Variants in GRK5 observed in about 807,000 individuals in gnomAD.
GRK5 encodes g protein-coupled receptor kinase GRK5.
A neutral mutation model predicts 78.4 loss-of-function variants in GRK5; 40 were observed. That is an observed-to-expected ratio of 0.51 (90% CI 0.40 to 0.66). The LOEUF is 0.66. Among genes scored for constraint, GRK5 ranks in the 30% least tolerant of loss-of-function variants. GRK5 has a pLI of 0.00. For missense variants in GRK5, 598 were observed against 759.9 expected, an observed-to-expected ratio of 0.79 and a Z score of 2.50; for synonymous variants, 289 against 296.8, an observed-to-expected ratio of 0.97 and a Z score of 0.27.
chr10:119,269,647 A>G (rs979846480), intron 1 of GRK5, among the ~76,000 whole-genome samples: 32 of 151,910 alleles, frequency 2.1e-4, no homozygotes, highest in African/African-American at 7.7e-4. Flanking sequence ...CCTGGCCAAC[A>G]TGGTAAAACC....
chr10:119,248,614 G>C (rs1366581989), intron 1 of GRK5, among the ~76,000 whole-genome samples: 1 of 152,122 alleles, frequency 6.6e-6, no homozygotes, highest in Non-Finnish European at 1.5e-5. Flanking sequence ...CCTAGGGCAG[G>C]GGGTGGCAAG....
chr10:119,436,610 A>G, intron 8 of GRK5, 41 bp from the exon 9 acceptor site: 1 of 1,603,890 alleles, frequency 6.2e-7, no homozygotes, highest in African/African-American at 1.3e-5. Flanking sequence ...GTGAGTGGCC[A>G]TTGTCACAAC....
At chr10:119,384,051 C>A (rs1212627206) in intron 3 of GRK5, among the ~76,000 whole-genome samples, 1 of 152,192 alleles carries the variant, frequency 6.6e-6, no homozygotes, top group Admixed American at 6.5e-5. Flanking sequence ...CCCACCTTTT[C>A]ACCGTTGGCC....
rs1047974892 is a variant in GRK5 at position 119,459,169 on chromosome 10, G to A, written c.*4102G>A. The A allele has an allele frequency of 6.6e-6, 1 of 152,196 alleles. No homozygotes were observed. Among genetic ancestry groups the A allele is most frequent in the African/African-American group, 2.4e-5 (1 of 41,434 alleles). 9.4% of individuals were successfully genotyped at this position (152,196 alleles called of 1,614,324 possible). On this transcript the variant is annotated 3_prime_UTR_variant, in exon 16 of 16. Coordinates refer to ENST00000392870, the MANE Select transcript of GRK5 (RefSeq NM_005308.3). ...TCGCTGTGTGGATTATGAATACAGA[G>A]AGCTGCCATCTTCCTGATCACAATA...
chr10:119,221,298 C>T (rs72834150), intron 1 of GRK5, among the ~76,000 whole-genome samples: 1,873 of 152,322 alleles, frequency 0.012, 17 homozygotes, highest in Non-Finnish European at 0.019. Context: ...TATGCACATA[C>T]GAACATCTAG....
rs115329058 is a variant in GRK5, at chr10:119,371,889, C to T, written c.149-8926C>T. Among the ~76,000 whole-genome samples the T allele has an allele frequency of 3.2e-3, 487 of 152,342 alleles. 2 individuals are homozygous for T. Among genetic ancestry groups the T allele is most frequent in the Middle Eastern group, 0.017 (5 of 294 alleles). ...GCTCACATGCGTTGTTGCCAATCCC[C>T]GGCAGCAACCAGCTAACTCTGATGG... On this transcript the variant is annotated intron_variant, in intron 2 of 15. Transcript: ENST00000392870.
At chr10:119,291,929 T>TTTCCTC (rs1564879446) in intron 1 of GRK5, among the ~76,000 whole-genome samples, 4 of 91,632 alleles carry the variant, frequency 4.4e-5, no homozygotes, top group Non-Finnish European at 1.0e-4. Flanking sequence ...TCTTCCTCCT[T>TTTCCTC]CTTTTCCTCC....
chr10:119,445,743 T>G lies in GRK5; in HGVS notation c.1266+1991T>G, dbSNP rs1054082749. ...TCCAGCTGGTGGCAGCTCAGGACACTGCAGAGCCTGACTTGCCAGGAGACC... is the reference window on the plus strand; with the variant it reads ...TCCAGCTGGTGGCAGCTCAGGACACGGCAGAGCCTGACTTGCCAGGAGACC... On this transcript the variant is annotated intron_variant, in intron 12 of 15. Transcript: ENST00000392870. This position sits in a 1 kb window ranked among gnomAD's most constrained non-coding sequence, Gnocchi z 4.1. Among the ~76,000 whole-genome samples, 2 of 152,122 alleles carry G rather than the reference T, an allele frequency of 1.3e-5. No individual in the cohort carries two copies. The highest frequency in any genetic ancestry group is 2.9e-5 in the Non-Finnish European group (2 of 68,006).
At chr10:119,244,497 C>T (rs1347385752) in intron 1 of GRK5, among the ~76,000 whole-genome samples, 1 of 152,356 alleles carries the variant, frequency 6.6e-6, no homozygotes, top group East Asian at 1.9e-4. Flanking sequence ...CTCAATATCA[C>T]TAGTCATTAG....
chr10:119,331,741 G>A (rs886210219), intron 2 of GRK5, among the ~76,000 whole-genome samples: 59 of 152,350 alleles, frequency 3.9e-4, no homozygotes, highest in African/African-American at 1.3e-3. Flanking sequence ...TCTGCCTTCA[G>A]CCCTGCCCTG....
chr10:119,252,778 G>A (rs1849224828), intron 1 of GRK5, among the ~76,000 whole-genome samples: 1 of 152,136 alleles, frequency 6.6e-6, no homozygotes, highest in Non-Finnish European at 1.5e-5. Flanking sequence ...GTCACTCTGT[G>A]GCTTTTGCCT....
At chr10:119,427,862 A>G (rs1163624099) in intron 6 of GRK5, among the ~76,000 whole-genome samples, 2 of 148,872 alleles carry the variant, frequency 1.3e-5, no homozygotes, top group African/African-American at 5.1e-5. Flanking sequence ...GCTGTTATCA[A>G]TATCCCACTG....
At chr10:119,453,894 C>G (rs2133922453) in intron 15 of GRK5, among the ~76,000 whole-genome samples, 1 of 152,278 alleles carries the variant, frequency 6.6e-6, no homozygotes, top group South Asian at 2.1e-4. Context: ...ACACTTAGAG[C>G]CTGGCCCTGG....
At chr10:119,342,596 C>T (rs1218791209) in intron 2 of GRK5, among the ~76,000 whole-genome samples, 1 of 152,170 alleles carries the variant, frequency 6.6e-6, no homozygotes, top group East Asian at 1.9e-4. Context: ...CATCAACCGT[C>T]CCGTGCGGTG....
intron 13 of GRK5, among the ~76,000 whole-genome samples, chr10:119,451,561 C>A (rs2133919564): frequency 6.6e-6 from 1 of 152,320 alleles, no homozygotes; most frequent in South Asian, 2.1e-4. Context: ...TTGCTTCCAG[C>A]TAAAAGTCCG....
At position 119,290,371 on chromosome 10, in the gene GRK5, C is replaced by CAAAACAAAAAAA. The variant is rs1564878623; in HGVS notation, c.53-36143_53-36142insAACAAAAAAAAA. On this transcript the variant is annotated intron_variant, in intron 1 of 15. Transcript: ENST00000392870. ...CAAAAAAAAAAAAAAAAACAAAAAA[C>CAAAACAAAAAAA]AACTCTGTCCCCTTCTCCCTGTGGC... 3.8e-3 allele frequency among the ~76,000 whole-genome samples: 374 copies of CAAAACAAAAAAA among 98,242 alleles called. 3 individuals carry two copies. The highest frequency in any genetic ancestry group is 0.014 in the African/African-American group (348 of 24,916). The allele number at this position is 98,242 out of a possible 152,430, so 64.5% of individuals were successfully genotyped here. A position where few individuals can be genotyped will look rare whatever the true frequency, so the allele number is the denominator to read the frequency against.
At chr10:119,417,308 C>T (rs925682992) in intron 4 of GRK5, among the ~76,000 whole-genome samples, 2 of 152,198 alleles carry the variant, frequency 1.3e-5, no homozygotes, top group East Asian at 1.9e-4. Context: ...CTCCTCAGCA[C>T]CCCTCCTCCC....
At chr10:119,219,714 C>G (rs1322337031) in intron 1 of GRK5, among the ~76,000 whole-genome samples, 3 of 152,132 alleles carry the variant, frequency 2.0e-5, no homozygotes, top group Non-Finnish European at 4.4e-5. Context: ...AACTCCCCCT[C>G]CCCCCTAATT....
chr10:119,330,898 GTAAT>G (rs1850764973), intron 2 of GRK5, among the ~76,000 whole-genome samples: 2 of 152,204 alleles, frequency 1.3e-5, no homozygotes, highest in Non-Finnish European at 2.9e-5. Flanking sequence ...GTGGGTGCCT[GTAAT>G]CCCAGCTACT....
Sources: allele counts gnomAD v4.1 joint callset (sites outside exome capture counted in the v4.1 genomes callset), GRCh38; gene constraint gnomAD v4.1.1; non-coding constraint Gnocchi (gnomAD v3.1); transcripts MANE v1.5; gene names NCBI Gene and HGNC (gene_info 2026-07-23, HGNC 2026-07-21).